The following CTNNA2 variants were observed in gnomAD, a reference collection of about 807,000 sequenced individuals.
The protein encoded by CTNNA2 is catenin alpha 2.
In CTNNA2, 42 loss-of-function variants were observed where a neutral mutation model predicts 101.0. The observed-to-expected ratio is 0.42, with a 90% CI of 0.32 to 0.54. The LOEUF is 0.54. Among genes scored for constraint, CTNNA2 ranks in the 20% least tolerant of loss-of-function variants. The probability of loss-of-function intolerance (pLI) is 0.14; values close to 1 mark genes in which losing one functional copy is unlikely to be tolerated. For missense variants in CTNNA2, 871 were observed against 1,223.1 expected (o/e 0.71, Z 4.29); for synonymous variants, 450 against 456.4 (o/e 0.99, Z 0.18).
chr2:79,699,925 T>C (rs1684894062), intron 2 of CTNNA2, among the ~76,000 whole-genome samples: 1 of 148,268 alleles, frequency 6.7e-6, no homozygotes, highest in Non-Finnish European at 1.5e-5. Context: ...TATATATGTA[T>C]ATATAATATA....
At chr2:79,590,707 G>GT (rs1473637242) in intron 1 of CTNNA2, among the ~76,000 whole-genome samples, 1 of 151,638 alleles carries the variant, frequency 6.6e-6, no homozygotes, top group Non-Finnish European at 1.5e-5. Context: ...GCCCTTTTAC[G>GT]TTTTTTTCAT....
chr2:79,225,262 T>C (rs527574977), intron 2 of CTNNA2, among the ~76,000 whole-genome samples: 20 of 152,328 alleles, frequency 1.3e-4, no homozygotes, highest in African/African-American at 4.6e-4. Context: ...CAATATGTTC[T>C]AGTTTCAGTT....
At chr2:80,241,380 G>C (rs1670924142) in intron 7 of CTNNA2, among the ~76,000 whole-genome samples, 1 of 151,524 alleles carries the variant, frequency 6.6e-6, no homozygotes, top group Non-Finnish European at 1.5e-5. Flanking sequence ...GGAAGGAGGA[G>C]GAGCTACTAG....
At chr2:79,444,090 C>G (rs1160759448) in intron 4 of CTNNA2, among the ~76,000 whole-genome samples, 2 of 152,004 alleles carry the variant, frequency 1.3e-5, no homozygotes, top group African/African-American at 4.8e-5. Flanking sequence ...GCTGATATCT[C>G]TACAGTTGAG....
intron 9 of CTNNA2, among the ~76,000 whole-genome samples, chr2:80,535,859 G>T (rs1469330538): frequency 6.6e-6 from 1 of 152,160 alleles, no homozygotes; most frequent in Non-Finnish European, 1.5e-5. Context: ...ATTTTAAAAT[G>T]ATTCCATAAT....
At chr2:80,129,895 G>A (rs1457548399) in intron 7 of CTNNA2, among the ~76,000 whole-genome samples, 1 of 152,114 alleles carries the variant, frequency 6.6e-6, no homozygotes, top group African/African-American at 2.4e-5. Flanking sequence ...AGTAACCTCA[G>A]AACTATGCTA....
chr2:79,925,294 A>G (rs1385712350), intron 7 of CTNNA2, among the ~76,000 whole-genome samples: 2 of 152,076 alleles, frequency 1.3e-5, no homozygotes, highest in East Asian at 1.9e-4. Flanking sequence ...ATGTGACCCA[A>G]TGATTTGATT....
rs1491338789 is a variant in CTNNA2 at position 79,305,374 on chromosome 2, A to ATATATATG, written c.-405-7328_-405-7327insGTATATAT. Among the ~76,000 whole-genome samples, 25 of 115,788 alleles carry ATATATATG rather than the reference A, an allele frequency of 2.2e-4. No individual in the cohort carries two copies. In the South Asian group the frequency reaches 4.2e-3, roughly 19 times the overall value. The allele number at this position is 115,788 out of a possible 152,430, so 76.0% of individuals were successfully genotyped here. On this transcript the variant is annotated intron_variant, in intron 2 of 21. Coordinates refer to the CTNNA2 transcript ENST00000466387. ...TATACATATATACATATATATACAC[A>ATATATATG]TATATATATATATATATTTCTGCAT...
chr2:80,356,950 T>C (rs11904666), intron 7 of CTNNA2, among the ~76,000 whole-genome samples: 4,407 of 151,854 alleles, frequency 0.029, 115 homozygotes, highest in African/African-American at 0.066. Flanking sequence ...TAGCGAGGAG[T>C]CATATTAATA....
rs184526647 is a variant in CTNNA2 at position 80,012,904 on chromosome 2, C to G, written c.1056+103107C>G. Among the ~76,000 whole-genome samples, 463 of 152,278 alleles carry G rather than the reference C, an allele frequency of 3.0e-3. 3 individuals carry two copies. The highest frequency in any genetic ancestry group is 0.017 in the Middle Eastern group (5 of 294). ...TCTCGACGAGGCACAGTGGCTCACG[C>G]CTGTAATCCCAGCACACTTTGTGGG... On this transcript the variant is annotated intron_variant, in intron 7 of 18. Coordinates refer to ENST00000402739, the MANE Select transcript of CTNNA2 (RefSeq NM_001282597.3).
At chr2:80,574,809 C>T (rs1171607788) in intron 13 of CTNNA2, among the ~76,000 whole-genome samples, 2 of 152,092 alleles carry the variant, frequency 1.3e-5, no homozygotes, top group Admixed American at 1.3e-4. Context: ...AACATCAAAC[C>T]TCTTATTACC....
intron 12 of CTNNA2, among the ~76,000 whole-genome samples, chr2:80,571,984 T>C (rs559880584): frequency 6.6e-6 from 1 of 152,266 alleles, no homozygotes; most frequent in South Asian, 2.1e-4. Context: ...TACAATTACT[T>C]ACCCCTCCTA....
At chr2:79,330,950 C>T (rs1371019716) in intron 3 of CTNNA2, among the ~76,000 whole-genome samples, 1 of 152,164 alleles carries the variant, frequency 6.6e-6, no homozygotes, top group African/African-American at 2.4e-5. Flanking sequence ...GCTCATTCAT[C>T]TGGAGGGGGA....
At position 80,318,055 on chromosome 2, in the gene CTNNA2, C is replaced by T. The variant is rs567459287; in HGVS notation, c.1057-75156C>T. On this transcript the variant is annotated intron_variant, in intron 7 of 18. Coordinates refer to ENST00000402739, the MANE Select transcript of CTNNA2 (RefSeq NM_001282597.3). ...CAGACTACCCCTCACCCCATCTACC[C>T]CTACAAATCCGTATGTCCACGTATT... is the stretch of plus-strand genomic sequence containing the variant. Among the ~76,000 whole-genome samples the T allele has an allele frequency of 3.3e-5, 5 of 152,246 alleles. No individual in the cohort carries two copies. In the South Asian group the frequency reaches 8.3e-4, roughly 25 times the overall value.
At chr2:79,536,388 G>A (rs1673062727) in intron 1 of CTNNA2, among the ~76,000 whole-genome samples, 1 of 152,128 alleles carries the variant, frequency 6.6e-6, no homozygotes, top group African/African-American at 2.4e-5. Flanking sequence ...GGCCATCCTA[G>A]CTAATAGTGT....
At chr2:79,512,815 G>A (rs1171884994), upstream of CTNNA2, among the ~76,000 whole-genome samples, 1 of 150,156 alleles carries the variant, frequency 6.7e-6, no homozygotes, top group East Asian at 2.0e-4. Context: ...GCGCGCGCCC[G>A]CGGCCCCCCA....
intron 1 of CTNNA2, among the ~76,000 whole-genome samples, chr2:79,585,603 T>G (rs1186007187): frequency 2.6e-5 from 4 of 152,100 alleles, no homozygotes; most frequent in African/African-American, 9.7e-5. Context: ...TTTTTTACAT[T>G]AGAAAGTTTA....
chr2:80,546,339 G>A (rs372257900), intron 11 of CTNNA2, among the ~76,000 whole-genome samples: 2 of 152,150 alleles, frequency 1.3e-5, no homozygotes, highest in African/African-American at 4.8e-5. Context: ...AAGCAGGATG[G>A]CCTTTGATGT....
chr2:79,424,164 A>C (rs59293711), intron 4 of CTNNA2, among the ~76,000 whole-genome samples: 14,560 of 152,112 alleles, frequency 0.096, 893 homozygotes, highest in African/African-American at 0.19. Flanking sequence ...TTGTGAGACC[A>C]ACTGGGAATC....
Sources: gnomAD v4.1 joint callset for allele counts (sites outside exome capture counted in the v4.1 genomes callset) on GRCh38, gnomAD v4.1.1 for gene constraint, MANE v1.5 for transcripts, NCBI Gene and HGNC (gene_info 2026-07-23, HGNC 2026-07-21) for gene names.